Variants in KASH5 observed in about 807,000 individuals in gnomAD.
The protein encoded by KASH5 is KASH domain containing 5.
A neutral mutation model predicts 84.2 loss-of-function variants in KASH5; 72 were observed. The ratio of observed to expected loss-of-function variants is 0.85; its 90% CI spans 0.71 to 1.04. KASH5 has a LOEUF of 1.04. KASH5 is among the 50% of genes least tolerant of loss of function. The pLI, the probability that KASH5 is intolerant of heterozygous loss-of-function variation, is 0.00. For missense variants in KASH5, 650 were observed against 701.0 expected (o/e 0.93, Z 0.82); for synonymous variants, 260 against 279.1 (o/e 0.93, Z 0.68).
chr19:49,390,020 C>T (rs1973951550), intron 1 of KASH5: 1 of 152,586 alleles, frequency 6.6e-6, no homozygotes. Context: ...GCAGGAGCTT[C>T]AGAGACTACT....
chr19:49,409,955 A>G (rs1429805407), intron 15 of KASH5, 80 bp downstream of exon 15: 1 of 1,542,344 alleles, frequency 6.5e-7, no homozygotes, highest in East Asian at 2.3e-5. Flanking sequence ...CAGCCCATTC[A>G]CTCACACTTT....
intron 9 of KASH5, among the ~76,000 whole-genome samples, chr19:49,403,392 G>A (rs1320646007): frequency 6.6e-6 from 1 of 151,908 alleles, no homozygotes; most frequent in Non-Finnish European, 1.5e-5. Context: ...AAAAGGGGGG[G>A]GGCAGCCAGG....
Position 49,395,942 on chromosome 19 carries a change from T to C in KASH5, c.400+109T>C. ...TAGGGTAGGAACCAGGGACCTTTACTGTAGACTAGAGCTGTGAGTGTGGCT... is the reference window on the plus strand; with the variant it reads ...TAGGGTAGGAACCAGGGACCTTTACCGTAGACTAGAGCTGTGAGTGTGGCT... On this transcript the variant is annotated intron_variant, in intron 5 of 19. Transcript: ENST00000447857. This position sits in a 1 kb window ranked among gnomAD's most constrained non-coding sequence, Gnocchi z 4.4. The C allele has an allele frequency of 2.4e-6, 2 of 849,670 alleles. No homozygotes were observed. Among genetic ancestry groups the C allele is most frequent in the Admixed American group, 4.2e-5 (2 of 47,940 alleles). The allele number at this position is 849,670 out of a possible 1,614,324, so 52.6% of individuals were successfully genotyped here. A position where few individuals can be genotyped will look rare whatever the true frequency, so the allele number is the denominator to read the frequency against.
intron 15 of KASH5, among the ~76,000 whole-genome samples, chr19:49,410,163 A>G (rs544914471): frequency 5.3e-5 from 8 of 152,316 alleles, no homozygotes; most frequent in African/African-American, 1.9e-4. Flanking sequence ...CACTCTTGGG[A>G]ATTACATTAT....
At chr19:49,394,046 G>A (rs1021530204) in intron 2 of KASH5, among the ~76,000 whole-genome samples, 3 of 152,138 alleles carry the variant, frequency 2.0e-5, no homozygotes, top group Non-Finnish European at 2.9e-5. Context: ...AGGCGGGATC[G>A]ATCTGGGCTG....
intron 9 of KASH5, among the ~76,000 whole-genome samples, chr19:49,404,917 T>C (rs1974475707): frequency 6.6e-6 from 1 of 152,050 alleles, no homozygotes; most frequent in South Asian, 2.1e-4. Flanking sequence ...TAGAGGAAAG[T>C]GGTGAACATA....
intron 9 of KASH5, among the ~76,000 whole-genome samples, chr19:49,405,692 C>G (rs540696504): frequency 6.6e-6 from 1 of 151,944 alleles, no homozygotes; most frequent in Non-Finnish European, 1.5e-5. Context: ...TGCGGTGGCT[C>G]ACACCTGTAG....
chr19:49,391,269 TC>T (rs1411395187), intron 2 of KASH5, among the ~76,000 whole-genome samples: 1 of 152,156 alleles, frequency 6.6e-6, no homozygotes, highest in Non-Finnish European at 1.5e-5. Context: ...GCTTCATTTC[TC>T]TTCACAGTGC....
intron 9 of KASH5, among the ~76,000 whole-genome samples, chr19:49,401,998 T>C (rs1974375156): frequency 6.6e-6 from 1 of 151,972 alleles, no homozygotes; most frequent in Non-Finnish European, 1.5e-5. Flanking sequence ...TCCCAGCACT[T>C]TGGGAGGCCG....
At chr19:49,413,302 C>T (rs1157600539) in intron 16 of KASH5, among the ~76,000 whole-genome samples, 1 of 152,136 alleles carries the variant, frequency 6.6e-6, no homozygotes, top group Non-Finnish European at 1.5e-5. Flanking sequence ...CTGGAATCAG[C>T]GTGGATTCAG....
At chr19:49,389,379 C>T (rs1174547410) in intron 1 of KASH5, among the ~76,000 whole-genome samples, 5 of 151,970 alleles carry the variant, frequency 3.3e-5, no homozygotes, top group Middle Eastern at 3.4e-3. Context: ...CTTGAAAGCC[C>T]GCCAAGGCCC....
chr19:49,393,001 A>G (rs1974052190), intron 2 of KASH5, among the ~76,000 whole-genome samples: 1 of 151,924 alleles, frequency 6.6e-6, no homozygotes, highest in African/African-American at 2.4e-5. Context: ...CCCCTTCCCA[A>G]GGGCCAAACC....
intron 1 of KASH5, 149 bp from the exon 2 acceptor site, chr19:49,390,640 A>G (rs932279152): frequency 9.0e-6 from 4 of 444,720 alleles, no homozygotes; most frequent in African/African-American, 6.2e-5. Flanking sequence ...TCCAATCCAT[A>G]AAACAGGTCA....
intron 9 of KASH5, among the ~76,000 whole-genome samples, chr19:49,404,073 G>A (rs1469529805): frequency 1.3e-5 from 2 of 152,232 alleles, no homozygotes; most frequent in African/African-American, 4.8e-5. Context: ...GATCTGGCCT[G>A]CAAATCCCTA....
Position 49,417,267 on chromosome 19 carries a change from G to A in KASH5, c.1547+1G>A, listed in dbSNP as rs759671757. The A allele has an allele frequency of 4.3e-6, 7 of 1,611,772 alleles. No homozygotes were observed. The highest frequency in any genetic ancestry group is 5.9e-6 in the Non-Finnish European group (7 of 1,179,032). ...TCTGCCTGCCCCCACAGCGGCTCAG[G>A]TGTGCCCCCAGGCGTCTCCAGAAGG... is the stretch of plus-strand genomic sequence containing the variant. On this transcript the variant is annotated splice_donor_variant, in intron 19 of 19. Transcript: ENST00000447857. LOFTEE classifies it high-confidence loss of function. This position sits in a 1 kb window ranked among gnomAD's most constrained non-coding sequence, Gnocchi z 5.2.
At chr19:49,403,523 A>G (rs1374544688) in intron 9 of KASH5, among the ~76,000 whole-genome samples, 1 of 152,192 alleles carries the variant, frequency 6.6e-6, no homozygotes, top group Non-Finnish European at 1.5e-5. Context: ...GCCCAGGAGA[A>G]TATGTGACCT....
At chr19:49,407,722 G>A (rs369670795) in intron 12 of KASH5, 51 bp downstream of exon 12, 100 of 1,549,776 alleles carry the variant, frequency 6.5e-5, no homozygotes, top group Non-Finnish European at 8.1e-5. Context: ...CTTCTCTTTT[G>A]CCATCTCTGG....
chr19:49,396,739 C>G (rs11879216), intron 5 of KASH5, among the ~76,000 whole-genome samples: 5,006 of 151,844 alleles, frequency 0.033, 261 homozygotes, highest in African/African-American at 0.11. Context: ...ATTGTATCCC[C>G]AGGACCTCAC....
At chr19:49,406,669 G>T (rs115959425) in intron 9 of KASH5, among the ~76,000 whole-genome samples, 1 of 152,056 alleles carries the variant, frequency 6.6e-6, no homozygotes, top group African/African-American at 2.4e-5. Context: ...GCCACTGCGC[G>T]TGGCCTAGCT....
Sources: allele counts gnomAD v4.1 joint callset (sites outside exome capture counted in the v4.1 genomes callset), GRCh38; gene constraint gnomAD v4.1.1; non-coding constraint Gnocchi (gnomAD v3.1); transcripts MANE v1.5; gene names NCBI Gene and HGNC (gene_info 2026-07-23, HGNC 2026-07-21).